The following EPB41L3 variants were observed in gnomAD, a reference collection of about 807,000 sequenced individuals.
EPB41L3 encodes band 4.1-like protein 3.
EPB41L3 carries 57 observed loss-of-function variants against 127.1 expected under a neutral mutation model. That is an observed-to-expected ratio of 0.45 (90% CI 0.36 to 0.56). The LOEUF (loss-of-function observed/expected upper bound fraction) is 0.56. Among genes scored for constraint, EPB41L3 ranks in the 20% least tolerant of loss-of-function variants. The pLI is 0.00. For synonymous variants in EPB41L3, 572 were observed against 549.5 expected (o/e 1.04, Z -0.57); for missense variants, 1,273 against 1,372.2 (o/e 0.93, Z 1.14).
intron 13 of EPB41L3, among the ~76,000 whole-genome samples, chr18:5,413,798 G>C (rs1485325285): frequency 6.6e-6 from 1 of 152,238 alleles, no homozygotes; most frequent in Non-Finnish European, 1.5e-5. Context: ...GAAGACTCCA[G>C]TGGTCAGTGC....
intron 1 of EPB41L3, among the ~76,000 whole-genome samples, chr18:5,506,341 C>G (rs2092199682): frequency 6.6e-6 from 1 of 152,144 alleles, no homozygotes; most frequent in Non-Finnish European, 1.5e-5. Context: ...TACTCCAACG[C>G]CCTCATCATC....
At chr18:5,612,071 A>C (rs1396912966) in intron 3 of EPB41L3, among the ~76,000 whole-genome samples, 2 of 150,628 alleles carry the variant, frequency 1.3e-5, no homozygotes, top group Admixed American at 6.6e-5. Flanking sequence ...TGACACTTGT[A>C]TTTTGCCACA....
At chr18:5,464,121 A>G (rs547259997) in intron 3 of EPB41L3, among the ~76,000 whole-genome samples, 3 of 152,318 alleles carry the variant, frequency 2.0e-5, no homozygotes, top group East Asian at 3.9e-4. Context: ...CCCAACAATG[A>G]AAGTGCTAAG....
At chr18:5,419,999 CA>C (rs745717315) in intron 11 of EPB41L3, 122 bp from the exon 12 acceptor site, 415 of 1,533,480 alleles carry the variant, frequency 2.7e-4, no homozygotes, top group Non-Finnish European at 3.4e-4. Flanking sequence ...TGAACAATAC[CA>C]ACTATATCTT....
intron 1 of EPB41L3, among the ~76,000 whole-genome samples, chr18:5,512,208 A>G (rs2092560326): frequency 1.3e-5 from 2 of 152,232 alleles, no homozygotes; most frequent in Non-Finnish European, 2.9e-5. Flanking sequence ...TAATTTAGAG[A>G]AAACACACCC....
chr18:5,629,551 G>A (rs2094965625), upstream of EPB41L3, among the ~76,000 whole-genome samples: 1 of 152,162 alleles, frequency 6.6e-6, no homozygotes, highest in African/African-American at 2.4e-5. Flanking sequence ...AGATGGAGGC[G>A]GAGGCTCTGG....
chr18:5,490,097 A>T (rs183528170), intron 1 of EPB41L3, among the ~76,000 whole-genome samples: 98 of 152,252 alleles, frequency 6.4e-4, no homozygotes, highest in Non-Finnish European at 2.6e-4. Flanking sequence ...TTGCTATTAC[A>T]TTTTTTTCTC....
At chr18:5,474,081 A>C (rs1355752936) in intron 3 of EPB41L3, among the ~76,000 whole-genome samples, 4 of 151,970 alleles carry the variant, frequency 2.6e-5, no homozygotes, top group Non-Finnish European at 4.4e-5. Context: ...AATACAAAAA[A>C]TTAGCCGGGC....
At chr18:5,481,934 C>T (rs1271793403) in intron 2 of EPB41L3, among the ~76,000 whole-genome samples, 1 of 152,130 alleles carries the variant, frequency 6.6e-6, no homozygotes, top group African/African-American at 2.4e-5. Context: ...ACAAGCCAGA[C>T]AGAGAAAACT....
At chr18:5,460,710 C>T (rs935718629) in intron 3 of EPB41L3, among the ~76,000 whole-genome samples, 5 of 152,028 alleles carry the variant, frequency 3.3e-5, no homozygotes, top group African/African-American at 1.2e-4. Context: ...TTAAACTGGC[C>T]CTGGAATAAA....
At chr18:5,539,501 TTG>T (rs1174575235) in intron 1 of EPB41L3, 1 of 152,228 alleles carries the variant, frequency 6.6e-6, no homozygotes. Flanking sequence ...TAATTTCAAC[TTG>T]TCTTCTTGTG....
chr18:5,437,155 T>C (rs1446635462), intron 6 of EPB41L3, among the ~76,000 whole-genome samples: 1 of 152,156 alleles, frequency 6.6e-6, no homozygotes, highest in East Asian at 1.9e-4. Context: ...CAAATCCATA[T>C]GTTCGAATCC....
intron 3 of EPB41L3, among the ~76,000 whole-genome samples, chr18:5,556,966 C>T (rs2094045048): frequency 6.6e-6 from 1 of 152,204 alleles, no homozygotes; most frequent in Non-Finnish European, 1.5e-5. Flanking sequence ...CTCTCTCTGC[C>T]AGCACAGCTG....
intron 3 of EPB41L3, among the ~76,000 whole-genome samples, chr18:5,588,549 A>G (rs2094459640): frequency 6.6e-6 from 1 of 151,758 alleles, no homozygotes; most frequent in Admixed American, 6.6e-5. Context: ...ATATATATAT[A>G]CACATAAATC....
Position 5,432,416 on chromosome 18 carries a change from A to G in EPB41L3, c.912+1053T>C, listed in dbSNP as rs548337118. 1.0e-3 allele frequency among the ~76,000 whole-genome samples: 156 copies of G among 152,332 alleles called. 1 individual carries two copies. Among genetic ancestry groups the G allele is most frequent in the African/African-American group, 3.7e-3 (153 of 41,566 alleles). Reference sequence around the variant, plus strand: ...AACTCTGTCCATAAAAGTCAAACACACATCCCTAAACAGGAACAATGTCAT... The same window carrying G: ...AACTCTGTCCATAAAAGTCAAACACGCATCCCTAAACAGGAACAATGTCAT... On this transcript the variant is annotated intron_variant, in intron 8 of 22. Coordinates refer to ENST00000341928, the MANE Select transcript of EPB41L3 (RefSeq NM_012307.5).
chr18:5,583,275 G>A (rs905205479), intron 3 of EPB41L3, among the ~76,000 whole-genome samples: 1 of 152,128 alleles, frequency 6.6e-6, no homozygotes, highest in African/African-American at 2.4e-5. Context: ...CGTGAAATAG[G>A]CATTCTGCTA....
intron 3 of EPB41L3, among the ~76,000 whole-genome samples, chr18:5,601,073 A>G (rs2094585787): frequency 6.6e-6 from 1 of 152,098 alleles, no homozygotes; most frequent in Non-Finnish European, 1.5e-5. Flanking sequence ...TCCAAAATAC[A>G]TGGATATTTT....
At chr18:5,536,104 C>T (rs752080972) in intron 1 of EPB41L3, among the ~76,000 whole-genome samples, 1 of 151,986 alleles carries the variant, frequency 6.6e-6, no homozygotes. Flanking sequence ...TGGATGAGCT[C>T]GCCCCTCTAT....
intron 1 of EPB41L3, among the ~76,000 whole-genome samples, chr18:5,620,906 T>A (rs1420688377): frequency 6.6e-6 from 1 of 152,128 alleles, no homozygotes; most frequent in Non-Finnish European, 1.5e-5. Flanking sequence ...CTCTCCATAT[T>A]ACTCCTTTGC....
Sources: gnomAD v4.1 joint callset for allele counts (sites outside exome capture counted in the v4.1 genomes callset) on GRCh38, gnomAD v4.1.1 for gene constraint, MANE v1.5 for transcripts, NCBI Gene and HGNC (gene_info 2026-07-23, HGNC 2026-07-21) for gene names.